The following ASMTL variants were observed in gnomAD, a reference collection of about 807,000 sequenced individuals.
ASMTL encodes the protein acetylserotonin O-methyltransferase like.
In ASMTL, 57 loss-of-function variants were observed where a neutral mutation model predicts 60.3. The ratio of observed to expected loss-of-function variants is 0.95; its 90% CI spans 0.76 to 1.18. The LOEUF is 1.18. Among genes scored for constraint, ASMTL ranks in the 50% most tolerant of loss-of-function variants. ASMTL has a pLI of 0.00. For synonymous variants in ASMTL, 419 were observed against 373.0 expected (o/e 1.12, Z -1.42); for missense variants, 981 against 852.6 (o/e 1.15, Z -1.88).
Position 1,425,621 on chromosome X carries a change from C to G in ASMTL, c.964G>C (p.Ala322Pro). 3 of 1,613,814 alleles carry G rather than the reference C, an allele frequency of 1.9e-6. No individual in the cohort carries two copies. The highest frequency in any genetic ancestry group is 2.5e-6 in the Non-Finnish European group (3 of 1,179,826). Reference protein sequence around the residue: ...LLKDEAPQKAADIASKVDASA... With the variant: ...LLKDEAPQKAPDIASKVDASA... ...GCGTCCACTTTGCTGGCAATATCCGCAGCCTTCTGGGGTGCTTCATCTTTT... is the reference window on the plus strand; with the variant it reads ...GCGTCCACTTTGCTGGCAATATCCGGAGCCTTCTGGGGTGCTTCATCTTTT... Residue 322 changes from alanine (A) to proline (P), a missense_variant, in exon 8 of 13, where the codon GCG becomes CCG. Transcript: ENST00000381317.
chrX:1,440,172 C>T (rs1212822076), intron 2 of ASMTL, among the ~76,000 whole-genome samples: 5 of 151,894 alleles, frequency 3.3e-5, no homozygotes, highest in South Asian at 4.2e-4. Context: ...CTGCAAGCTC[C>T]GCCTCCCGGG....
chrX:1,404,599 G>A (rs1218545562), intron 12 of ASMTL, among the ~76,000 whole-genome samples: 1 of 151,550 alleles, frequency 6.6e-6, no homozygotes, highest in African/African-American at 2.4e-5. Context: ...ATAGATGATA[G>A]ATGATGGGTA....
rs763644014 is a variant in ASMTL, at chrX:1,452,907, C to T, written c.-67G>A. On this transcript the variant is annotated 5_prime_UTR_variant, in exon 1 of 13. Coordinates refer to ENST00000381317, the MANE Select transcript of ASMTL (RefSeq NM_004192.4). The stretch of plus-strand genomic sequence containing the variant: ...GGAGCCCGCGGTGCGCGCAGCGCGG[C>T]TGCAAAAAAAACAGGCGGCCAGAGT... 2.4e-5 allele frequency: 31 copies of T among 1,300,030 alleles called. No individual in the cohort carries two copies. The South Asian group carries it at 3.7e-4, about 16-fold the overall frequency. The allele number at this position is 1,300,030 out of a possible 1,614,324, so 80.5% of individuals were successfully genotyped here.
At chrX:1,420,273 C>T (rs1415331337) in intron 9 of ASMTL, among the ~76,000 whole-genome samples, 2 of 151,568 alleles carry the variant, frequency 1.3e-5, no homozygotes, top group African/African-American at 4.8e-5. Flanking sequence ...CTATCTCTGT[C>T]TCTGTCTTTC....
At chrX:1,436,169 A>G (rs1460234720) in intron 3 of ASMTL, among the ~76,000 whole-genome samples, 1 of 152,134 alleles carries the variant, frequency 6.6e-6, no homozygotes, top group Non-Finnish European at 1.5e-5. Flanking sequence ...CCTGTTTCAC[A>G]GCCTCGTTCC....
chrX:1,445,674 T>C (rs2091216456), intron 1 of ASMTL, among the ~76,000 whole-genome samples: 1 of 152,144 alleles, frequency 6.6e-6, no homozygotes, highest in Non-Finnish European at 1.5e-5. Flanking sequence ...CGGTATATGA[T>C]AAAATATAAA....
chrX:1,415,508 C>G (rs1364136072), intron 11 of ASMTL, among the ~76,000 whole-genome samples: 40 of 148,264 alleles, frequency 2.7e-4, no homozygotes, highest in African/African-American at 9.5e-4. Flanking sequence ...TCTTGTTGCC[C>G]AGGCTGGAGT....
At position 1,433,175 on chromosome X, in the gene ASMTL, A is replaced by G. The variant is rs1425338558; in HGVS notation, c.401-798T>C. 2.0e-5 allele frequency among the ~76,000 whole-genome samples: 3 copies of G among 152,046 alleles called. No individual in the cohort carries two copies. In the East Asian group the frequency reaches 5.8e-4, roughly 29 times the overall value. ...GACACAGAGCCCCTGAATCCCGGGGAATCTGTTGAGTGACAGGAGCGAAAG... is the reference window on the plus strand; with the variant it reads ...GACACAGAGCCCCTGAATCCCGGGGGATCTGTTGAGTGACAGGAGCGAAAG... On this transcript the variant is annotated intron_variant, in intron 5 of 12. Coordinates refer to ENST00000381317, the MANE Select transcript of ASMTL (RefSeq NM_004192.4).
intron 6 of ASMTL, among the ~76,000 whole-genome samples, chrX:1,430,583 C>A (rs140432396): frequency 6.6e-6 from 1 of 151,736 alleles, no homozygotes; most frequent in African/African-American, 2.4e-5. Context: ...CCAGCCTGGG[C>A]AACATAGTGA....
intron 11 of ASMTL, among the ~76,000 whole-genome samples, chrX:1,414,715 A>G (rs771673570): frequency 3.9e-5 from 6 of 151,990 alleles, no homozygotes; most frequent in African/African-American, 1.5e-4. Context: ...TCAAACATAA[A>G]TAAATTTCAG....
chrX:1,406,848 G>C (rs1179955537), intron 12 of ASMTL, among the ~76,000 whole-genome samples: 1 of 151,788 alleles, frequency 6.6e-6, no homozygotes, highest in Non-Finnish European at 1.5e-5. Flanking sequence ...TGAATGGATG[G>C]ATAGATGGGT....
chrX:1,449,759 TGCC>T (rs1256202730), intron 1 of ASMTL, among the ~76,000 whole-genome samples: 1 of 126,694 alleles, frequency 7.9e-6, no homozygotes, highest in Non-Finnish European at 1.6e-5. Context: ...CCAGTAACTA[TGCC>T]CCATCATCAC....
chrX:1,416,828 G>C lies in ASMTL; in HGVS notation c.1522+1145C>G, dbSNP rs1307525010. Among the ~76,000 whole-genome samples, 61 of 148,396 alleles carry C rather than the reference G, an allele frequency of 4.1e-4. 2 individuals carry two copies. Among genetic ancestry groups the C allele is most frequent in the African/African-American group, 1.4e-3 (55 of 40,068 alleles). ...CACACACACCATGCACACAGATACA[G>C]ATGGGCACACAGACATGCACACACA... is the stretch of plus-strand genomic sequence containing the variant. On this transcript the variant is annotated intron_variant, in intron 11 of 12. Transcript: ENST00000381317.
chrX:1,431,984 C>A (rs5989940), intron 6 of ASMTL: 117,223 of 476,992 alleles, frequency 0.25, 15,458 homozygotes, highest in Non-Finnish European at 0.28. Context: ...CCTCCCACCA[C>A]GTGAACTCCT....
At chrX:1,406,977 A>T (rs1318788899) in intron 12 of ASMTL, among the ~76,000 whole-genome samples, 2 of 150,420 alleles carry the variant, frequency 1.3e-5, no homozygotes, top group African/African-American at 4.9e-5. Context: ...ATGGGTAGGT[A>T]GATGAATGGA....
At chrX:1,417,925 T>C (rs375011315) in intron 11 of ASMTL, 48 bp downstream of exon 11, 142 of 1,562,016 alleles carry the variant, frequency 9.1e-5, no homozygotes, top group Admixed American at 4.0e-4. Flanking sequence ...TAGAAAGAGA[T>C]GCTGCAGTCT....
At chrX:1,420,354 CCTCT>C (rs1441692330) in intron 9 of ASMTL, among the ~76,000 whole-genome samples, 1 of 151,712 alleles carries the variant, frequency 6.6e-6, no homozygotes. Flanking sequence ...TCTCTGTCTC[CCTCT>C]ATCTTTCTGT....
In ASMTL at chrX:1,403,161, A is replaced by G. The variant is rs2089657080; in HGVS notation, c.*108T>C. ...AGACAGGCTTTTGCTTTCTTTATTC[A>G]GTCACGACTACACGCTCCTATGTGA... On this transcript the variant is annotated 3_prime_UTR_variant, in exon 13 of 13. Coordinates refer to ENST00000381317, the MANE Select transcript of ASMTL (RefSeq NM_004192.4). The G allele has an allele frequency of 5.7e-6, 5 of 875,044 alleles. No individual in the cohort carries two copies. In the South Asian group the frequency reaches 7.3e-5, roughly 13 times the overall value. The allele number at this position is 875,044 out of a possible 1,614,324, so 54.2% of individuals were successfully genotyped here.
intron 1 of ASMTL, among the ~76,000 whole-genome samples, chrX:1,450,602 T>A (rs779016331): frequency 1.7e-3 from 85 of 51,198 alleles, no homozygotes; most frequent in Non-Finnish European, 9.9e-4. Flanking sequence ...CACTCTCCCC[T>A]CCCCCATCCC....
Sources: gnomAD v4.1 joint callset for allele counts (sites outside exome capture counted in the v4.1 genomes callset) on GRCh38, gnomAD v4.1.1 for gene constraint, MANE v1.5 for transcripts, NCBI Gene and HGNC (gene_info 2026-07-23, HGNC 2026-07-21) for gene names.